CCBE1: variants seen among roughly 807,000 people sequenced by gnomAD.
The protein encoded by CCBE1 is collagen and calcium binding EGF domains 1, also known as collagen and calcium-binding EGF domain-containing protein 1.
Under a neutral mutation model 50.0 loss-of-function variants are expected in CCBE1, and 37 were observed. The observed-to-expected ratio is 0.74, with a 90% CI of 0.57 to 0.97. The LOEUF (loss-of-function observed/expected upper bound fraction) is 0.97, where lower values mean the gene tolerates loss of function less well. Ranked by LOEUF, CCBE1 falls within the 50% of genes least tolerant of loss-of-function variation. The probability of loss-of-function intolerance (pLI) is 0.00; values close to 1 mark genes in which losing one functional copy is unlikely to be tolerated. For missense variants in CCBE1, 538 were observed against 523.8 expected (o/e 1.03, Z -0.26); for synonymous variants, 234 against 203.7 (o/e 1.15, Z -1.27).
chr18:59,579,100 T>C (rs892075901), intron 2 of CCBE1, among the ~76,000 whole-genome samples: 1 of 152,184 alleles, frequency 6.6e-6, no homozygotes, highest in African/African-American at 2.4e-5. Flanking sequence ...CTCAGAATAC[T>C]AGATGATTTC....
At chr18:59,520,751 ATT>A (rs1259538317) in intron 2 of CCBE1, among the ~76,000 whole-genome samples, 1 of 152,216 alleles carries the variant, frequency 6.6e-6, no homozygotes, top group Non-Finnish European at 1.5e-5. Flanking sequence ...TTCCATAATG[ATT>A]TTGAGTTGAG....
At chr18:59,440,554 C>T (rs577227240) in intron 7 of CCBE1, among the ~76,000 whole-genome samples, 8 of 152,144 alleles carry the variant, frequency 5.3e-5, no homozygotes, top group Non-Finnish European at 1.0e-4. Context: ...ACAAGTCTTA[C>T]TATGTAACCC....
chr18:59,488,124 G>A (rs1912909602), intron 2 of CCBE1, among the ~76,000 whole-genome samples: 1 of 152,180 alleles, frequency 6.6e-6, no homozygotes, highest in Non-Finnish European at 1.5e-5. Context: ...CTTATACGAG[G>A]TACCTAGAGT....
intron 2 of CCBE1, among the ~76,000 whole-genome samples, chr18:59,487,467 T>A (rs1025203673): frequency 1.3e-5 from 2 of 152,072 alleles, no homozygotes; most frequent in Non-Finnish European, 2.9e-5. Context: ...TTACACTACA[T>A]CCCCCAAGAA....
intron 2 of CCBE1, among the ~76,000 whole-genome samples, chr18:59,495,222 A>G (rs1913293161): frequency 6.7e-6 from 1 of 149,666 alleles, no homozygotes; most frequent in Non-Finnish European, 1.5e-5. Flanking sequence ...TTTTTCTCTG[A>G]AAAAAAAATA....
intron 2 of CCBE1, among the ~76,000 whole-genome samples, chr18:59,619,834 G>T (rs1343373139): frequency 6.6e-6 from 1 of 152,082 alleles, no homozygotes; most frequent in African/African-American, 2.4e-5. Flanking sequence ...TATTCCAGCT[G>T]AATTTATATC....
intron 2 of CCBE1, among the ~76,000 whole-genome samples, chr18:59,555,025 C>T (rs746555070): frequency 5.3e-5 from 8 of 152,216 alleles, no homozygotes; most frequent in Non-Finnish European, 1.0e-4. Flanking sequence ...CCTTAGATTT[C>T]TCTCATTCTA....
At chr18:59,677,150 A>T (rs1462939700) in intron 2 of CCBE1, among the ~76,000 whole-genome samples, 1 of 152,204 alleles carries the variant, frequency 6.6e-6, no homozygotes, top group East Asian at 1.9e-4. Flanking sequence ...CAGGAAGCAA[A>T]GAACAGTTGC....
chr18:59,538,207 T>C (rs546211334), intron 2 of CCBE1, among the ~76,000 whole-genome samples: 1 of 152,336 alleles, frequency 6.6e-6, no homozygotes, highest in East Asian at 1.9e-4. Flanking sequence ...GGTGAGTTCA[T>C]TCTCAAAAAC....
intron 2 of CCBE1, among the ~76,000 whole-genome samples, chr18:59,662,837 G>A (rs2054303055): frequency 6.6e-6 from 1 of 152,168 alleles, no homozygotes; most frequent in African/African-American, 2.4e-5. Flanking sequence ...GCAAACATAA[G>A]TTTCTTGGTG....
chr18:59,692,851 C>G (rs2054750946), intron 2 of CCBE1, among the ~76,000 whole-genome samples: 1 of 151,048 alleles, frequency 6.6e-6, no homozygotes, highest in Admixed American at 6.7e-5. Context: ...GCATCCCTAC[C>G]ACTTAGCCTC....
At chr18:59,583,654 C>CGTGT (rs752150539) in intron 2 of CCBE1, among the ~76,000 whole-genome samples, 1,905 of 142,140 alleles carry the variant, frequency 0.013, 24 homozygotes, top group African/African-American at 0.029. Context: ...CACTGCTTTG[C>CGTGT]GTGTGTGTGT....
chr18:59,467,556 C>T (rs1183194963), intron 4 of CCBE1, among the ~76,000 whole-genome samples: 3 of 152,186 alleles, frequency 2.0e-5, no homozygotes, highest in African/African-American at 7.2e-5. Context: ...ATGGGACCAT[C>T]AAACAAGTCC....
intron 9 of CCBE1, 41 bp from the exon 10 acceptor site, chr18:59,438,187 G>A (rs764994108): frequency 6.3e-7 from 1 of 1,584,844 alleles, no homozygotes; most frequent in Non-Finnish European, 8.7e-7. Flanking sequence ...TAGAGCACAT[G>A]GATATCACAA....
chr18:59,641,589 CT>C (rs2053991702), intron 2 of CCBE1, among the ~76,000 whole-genome samples: 1 of 152,162 alleles, frequency 6.6e-6, no homozygotes, highest in Non-Finnish European at 1.5e-5. Flanking sequence ...ACATGTACCC[CT>C]GAACCTAAGT....
At chr18:59,680,646 C>A (rs1318277867) in intron 2 of CCBE1, among the ~76,000 whole-genome samples, 1 of 151,034 alleles carries the variant, frequency 6.6e-6, no homozygotes, top group Non-Finnish European at 1.5e-5. Flanking sequence ...TGCAGTGAGC[C>A]GAGATTGCTG....
At chr18:59,589,119 G>T (rs1430581709) in intron 2 of CCBE1, among the ~76,000 whole-genome samples, 5 of 152,292 alleles carry the variant, frequency 3.3e-5, no homozygotes, top group Admixed American at 3.3e-4. Flanking sequence ...AACCCTTGGG[G>T]ATCCCTGTGG....
intron 2 of CCBE1, among the ~76,000 whole-genome samples, chr18:59,516,258 A>G (rs779832740): frequency 1.3e-5 from 2 of 150,974 alleles, no homozygotes; most frequent in Non-Finnish European, 3.0e-5. Context: ...TTTTCTTATC[A>G]ACTCTGGAGA....
chr18:59,579,374 A>G (rs74577148), intron 2 of CCBE1, among the ~76,000 whole-genome samples: 4,564 of 151,604 alleles, frequency 0.03, 67 homozygotes, highest in African/African-American at 0.035. Flanking sequence ...ATCTCAGCTG[A>G]CCACTAGAAT....
Sources: gnomAD v4.1 joint callset for allele counts (sites outside exome capture counted in the v4.1 genomes callset) on GRCh38, gnomAD v4.1.1 for gene constraint, MANE v1.5 for transcripts, NCBI Gene and HGNC (gene_info 2026-07-23, HGNC 2026-07-21) for gene names.